SEMA3D: variants seen among roughly 807,000 people sequenced by gnomAD.
The protein encoded by SEMA3D is semaphorin 3D, also known as semaphorin-3D.
Under a neutral mutation model 100.1 loss-of-function variants are expected in SEMA3D, and 84 were observed. The ratio of observed to expected loss-of-function variants is 0.84; its 90% CI spans 0.70 to 1.01. The LOEUF (loss-of-function observed/expected upper bound fraction) is 1.01. Ranked by LOEUF, SEMA3D falls within the 50% of genes least tolerant of loss-of-function variation. The pLI is 0.00. For synonymous variants in SEMA3D, 312 were observed against 320.7 expected (o/e 0.97, Z 0.29); for missense variants, 875 against 934.1 (o/e 0.94, Z 0.82).
chr7:85,102,507 A>G (rs1263931574), intron 3 of SEMA3D, among the ~76,000 whole-genome samples: 2 of 152,056 alleles, frequency 1.3e-5, no homozygotes, highest in Non-Finnish European at 2.9e-5. Context: ...GTGAGACTAG[A>G]CATAAAGCCA....
intron 9 of SEMA3D, among the ~76,000 whole-genome samples, chr7:85,045,197 C>A (rs1448446781): frequency 7.2e-5 from 11 of 151,902 alleles, no homozygotes; most frequent in African/African-American, 1.7e-4. Flanking sequence ...ATGGGTGGAA[C>A]AATCCAGGAC....
chr7:85,066,564 C>T (rs1198395555), intron 7 of SEMA3D, among the ~76,000 whole-genome samples: 1 of 151,946 alleles, frequency 6.6e-6, no homozygotes, highest in East Asian at 1.9e-4. Flanking sequence ...AATATGTTGT[C>T]TCTTTGAGAG....
chr7:85,170,348 T>C (rs1281506286), intron 1 of SEMA3D, among the ~76,000 whole-genome samples: 1 of 151,930 alleles, frequency 6.6e-6, no homozygotes, highest in East Asian at 1.9e-4. Flanking sequence ...TTCTGTATAC[T>C]GCTAGAATCC....
chr7:85,162,885 A>G (rs1327793848), intron 1 of SEMA3D, among the ~76,000 whole-genome samples: 2 of 152,144 alleles, frequency 1.3e-5, no homozygotes, highest in Non-Finnish European at 2.9e-5. Context: ...GAACTGACTG[A>G]AAGGAAAATA....
intron 1 of SEMA3D, among the ~76,000 whole-genome samples, chr7:85,184,940 ATCT>A (rs1422492631): frequency 6.6e-6 from 1 of 152,170 alleles, no homozygotes; most frequent in Non-Finnish European, 1.5e-5. Flanking sequence ...CCCAACCCCG[ATCT>A]TCTTGCTCAT....
At chr7:85,232,669 A>G in the SEMA3D span, among the ~76,000 whole-genome samples, 2 of 152,186 alleles carry the variant, frequency 1.3e-5, no homozygotes, top group African/African-American at 4.8e-5. Context: ...TGAAAGACTT[A>G]GGCTTCTCCT....
chr7:85,170,409 G>T (rs1215548587), intron 1 of SEMA3D, among the ~76,000 whole-genome samples: 1 of 151,800 alleles, frequency 6.6e-6, no homozygotes, highest in East Asian at 1.9e-4. Flanking sequence ...TTGTTCCATT[G>T]TGAATTTTGG....
intron 1 of SEMA3D, among the ~76,000 whole-genome samples, chr7:85,156,352 G>A (rs569533304): frequency 9.9e-5 from 15 of 151,646 alleles, no homozygotes; most frequent in South Asian, 8.3e-4. Flanking sequence ...CCACCCCTTC[G>A]GCCTTCCAAA....
At chr7:85,126,406 T>TG (rs1789569867) in intron 2 of SEMA3D, among the ~76,000 whole-genome samples, 1 of 124,438 alleles carries the variant, frequency 8.0e-6, no homozygotes, top group African/African-American at 3.0e-5. Context: ...GTGTGTGTCG[T>TG]GTGTGTGTGT....
chr7:85,236,719 G>T, the SEMA3D span, among the ~76,000 whole-genome samples: 1 of 152,140 alleles, frequency 6.6e-6, no homozygotes, highest in Non-Finnish European at 1.5e-5. Context: ...AATATGATAA[G>T]ATAAAGCAGA....
At chr7:85,209,956 C>G in the SEMA3D span, among the ~76,000 whole-genome samples, 3 of 151,968 alleles carry the variant, frequency 2.0e-5, no homozygotes, top group African/African-American at 4.8e-5. Flanking sequence ...CCAAGAACAC[C>G]AGTAGTGGAG....
intron 4 of SEMA3D, among the ~76,000 whole-genome samples, chr7:85,088,248 A>T (rs1367452063): frequency 6.6e-6 from 1 of 152,200 alleles, no homozygotes; most frequent in Non-Finnish European, 1.5e-5. Context: ...ACATTCAAAT[A>T]ATGATAAGAC....
At chr7:85,071,777 A>C (rs146668175) in intron 6 of SEMA3D, among the ~76,000 whole-genome samples, 23 of 152,362 alleles carry the variant, frequency 1.5e-4, no homozygotes, top group East Asian at 1.2e-3. Flanking sequence ...GAAAAGATAC[A>C]GTAGAAATAG....
intron 3 of SEMA3D, among the ~76,000 whole-genome samples, chr7:85,100,781 T>C (rs1788720166): frequency 6.6e-6 from 1 of 151,928 alleles, no homozygotes; most frequent in Admixed American, 6.6e-5. Context: ...GGTTAAATGT[T>C]ATTTCTCTTA....
intron 1 of SEMA3D, 103 bp from the exon 2 acceptor site, chr7:85,153,842 T>A (rs1790503358): frequency 6.6e-6 from 1 of 151,952 alleles, no homozygotes; most frequent in East Asian, 1.9e-4. Context: ...GGCAGAAAAA[T>A]AAATATCCCA....
intron 17 of SEMA3D, 77 bp from the exon 18 acceptor site, chr7:85,007,018 C>T: frequency 2.8e-6 from 3 of 1,088,764 alleles, no homozygotes; most frequent in Non-Finnish European, 3.9e-6. Flanking sequence ...TGATTCAGAA[C>T]AGATGCCATG....
At chr7:85,106,095 G>A (rs1266935727) in intron 3 of SEMA3D, among the ~76,000 whole-genome samples, 2 of 151,902 alleles carry the variant, frequency 1.3e-5, no homozygotes, top group African/African-American at 4.8e-5. Flanking sequence ...CTATTGACCT[G>A]TAAAAAAGTT....
intron 1 of SEMA3D, among the ~76,000 whole-genome samples, chr7:85,178,775 G>T (rs573563439): frequency 1.3e-5 from 2 of 152,298 alleles, no homozygotes; most frequent in African/African-American, 2.4e-5. Flanking sequence ...TGTCTCCAGG[G>T]CATGTCAGAG....
chr7:85,177,765 T>C (rs1337510354), intron 1 of SEMA3D, among the ~76,000 whole-genome samples: 6 of 152,302 alleles, frequency 3.9e-5, no homozygotes, highest in East Asian at 3.9e-4. Flanking sequence ...TTTATTATGA[T>C]AGTATTTATT....
Sources: allele counts gnomAD v4.1 joint callset (sites outside exome capture counted in the v4.1 genomes callset), GRCh38; gene constraint gnomAD v4.1.1; transcripts MANE v1.5; gene names NCBI Gene and HGNC (gene_info 2026-07-23, HGNC 2026-07-21).